The following EXD3 variants were observed in gnomAD, a reference collection of about 807,000 sequenced individuals.
The protein encoded by EXD3 is exonuclease 3'-5' domain containing 3, also known as exonuclease mut-7 homolog.
In EXD3, 92 loss-of-function variants were observed where a neutral mutation model predicts 98.0. The observed-to-expected ratio is 0.94, with a 90% CI of 0.79 to 1.12. EXD3 has a LOEUF of 1.12. EXD3 is among the 50% of genes most tolerant of loss of function. The pLI, the probability that EXD3 is intolerant of heterozygous loss-of-function variation, is 0.00. For missense variants in EXD3, 1,222 were observed against 1,191.6 expected (o/e 1.03, Z -0.38); for synonymous variants, 569 against 526.0 (o/e 1.08, Z -1.12).
rs1457152040 is a variant in EXD3 at position 137,360,430 on chromosome 9, C to A, written c.657-4062G>T. ...AATTTGTCAATCTTCTTCTGTTATT[C>A]TCTTTCTTTCATCCTTCCTTCCTTT... On this transcript the variant is annotated intron_variant, in intron 7 of 21. Transcript: ENST00000340951. Among the ~76,000 whole-genome samples the A allele has an allele frequency of 3.5e-4, 27 of 77,866 alleles. 13 individuals are homozygous for A. The highest frequency in any genetic ancestry group is 1.2e-4 in the Non-Finnish European group (4 of 32,942). The allele number at this position is 77,866 out of a possible 152,430, so 51.1% of individuals were successfully genotyped here. A position where few individuals can be genotyped will look rare whatever the true frequency, so the allele number is the denominator to read the frequency against.
intron 6 of EXD3, among the ~76,000 whole-genome samples, chr9:137,367,393 C>T (rs1445398978): frequency 1.3e-5 from 2 of 152,156 alleles, no homozygotes; most frequent in African/African-American, 4.8e-5. Context: ...CCTGGCTCTG[C>T]CCGAGGGGTG....
In EXD3 at chr9:137,348,141, C is replaced by G; in HGVS notation, c.1928G>C (p.Arg643Pro). 6.2e-7 allele frequency: 1 copy of G among 1,612,266 alleles called. No individual in the cohort carries two copies. Among genetic ancestry groups the G allele is most frequent in the Non-Finnish European group, 8.5e-7 (1 of 1,179,714 alleles). ...ATCCACACCGAGACAGCGGAGGCTC[C>G]GTGCCAGCCCCTGCAGCATGTTGTC... ...VCDNMLQGLA[R>P]SLRCLGVDAR... Residue 643 changes from arginine to proline, a missense_variant, in exon 17 of 22, where the codon CGG (arginine) becomes CCG (proline). Physicochemically the swap from Arg to Pro is moderately radical, Grantham distance 103. Transcript: ENST00000340951.
intron 2 of EXD3, among the ~76,000 whole-genome samples, chr9:137,384,117 C>T (rs1478010935): frequency 3.9e-5 from 6 of 152,174 alleles, no homozygotes; most frequent in African/African-American, 1.4e-4. Context: ...TGGGTGGATT[C>T]CGCAGTGAAC....
intron 19 of EXD3, among the ~76,000 whole-genome samples, chr9:137,315,002 G>A (rs192310063): frequency 2.0e-5 from 3 of 152,300 alleles, no homozygotes; most frequent in African/African-American, 4.8e-5. Context: ...ACTGCCTCAC[G>A]GTGTGGACAC....
chr9:137,390,309 G>C (rs1321198943), intron 2 of EXD3, among the ~76,000 whole-genome samples: 1 of 150,494 alleles, frequency 6.6e-6, no homozygotes, highest in Non-Finnish European at 1.5e-5. Context: ...GCGGGCACCT[G>C]TAGTCCCAGC....
At chr9:137,366,736 C>T (rs1430435492) in intron 6 of EXD3, 104 bp from the exon 7 acceptor site, 2 of 1,408,714 alleles carry the variant, frequency 1.4e-6, no homozygotes, top group African/African-American at 1.4e-5. Flanking sequence ...ACGAAAGGGG[C>T]CCAGAGGCCG....
intron 1 of EXD3, among the ~76,000 whole-genome samples, chr9:137,409,762 A>AT (rs1202967219): frequency 6.6e-6 from 1 of 152,176 alleles, no homozygotes; most frequent in Non-Finnish European, 1.5e-5. Context: ...GCCTGTCTGG[A>AT]TCTCTCAGCA....
intron 1 of EXD3, among the ~76,000 whole-genome samples, chr9:137,398,794 G>T (rs186642461): frequency 7.7e-6 from 1 of 129,254 alleles, no homozygotes; most frequent in African/African-American, 3.2e-5. Flanking sequence ...AGGCACCCGC[G>T]TCCCCGTGAC....
rs1315980296 is a variant in EXD3 at position 137,324,155 on chromosome 9, G to A, written c.1999-12C>T. Reference sequence around the variant, plus strand: ...TCCTGCCTGGCAACCTGTGTGGGAGGTGCGACCAGCACATAAAGGGGGCAG... The same window carrying A: ...TCCTGCCTGGCAACCTGTGTGGGAGATGCGACCAGCACATAAAGGGGGCAG... On this transcript the variant is annotated splice_polypyrimidine_tract_variant and intron_variant, in intron 17 of 21. Coordinates refer to ENST00000340951, the MANE Select transcript of EXD3 (RefSeq NM_017820.5). The surrounding 1 kb of genome is among the most constrained non-coding windows in gnomAD (Gnocchi z 4.1). The A allele has an allele frequency of 1.3e-6, 2 of 1,570,078 alleles. No individual in the cohort carries two copies. Among genetic ancestry groups the A allele is most frequent in the African/African-American group, 1.4e-5 (1 of 73,944 alleles).
At chr9:137,311,884 G>C (rs1265253899) in intron 19 of EXD3, among the ~76,000 whole-genome samples, 1 of 152,182 alleles carries the variant, frequency 6.6e-6, no homozygotes, top group Non-Finnish European at 1.5e-5. Flanking sequence ...TGGTGCTGGT[G>C]GCCCAGCGCA....
At chr9:137,308,244 C>A (rs964801482) in intron 20 of EXD3, among the ~76,000 whole-genome samples, 2 of 152,180 alleles carry the variant, frequency 1.3e-5, no homozygotes, top group African/African-American at 4.8e-5. Flanking sequence ...CTGCCCTGCT[C>A]CTGTTGACCC....
intron 14 of EXD3, among the ~76,000 whole-genome samples, chr9:137,350,740 C>T (rs554436355): frequency 3.1e-4 from 47 of 152,032 alleles, no homozygotes; most frequent in African/African-American, 1.1e-3. Flanking sequence ...CCAGGGGCTC[C>T]CTCCCGCAGC....
chr9:137,337,313 T>C (rs1833405961), intron 17 of EXD3, among the ~76,000 whole-genome samples: 1 of 152,120 alleles, frequency 6.6e-6, no homozygotes, highest in African/African-American at 2.4e-5. Flanking sequence ...ACAGGAACCT[T>C]CTGTATGTCT....
intron 4 of EXD3, 100 bp downstream of exon 4, chr9:137,373,326 T>C: frequency 9.2e-6 from 13 of 1,405,710 alleles, no homozygotes; most frequent in Non-Finnish European, 1.3e-5. Context: ...CCTGGCTTGC[T>C]GAGCGGGCTG....
Position 137,324,040 on chromosome 9 carries a change from C to T in EXD3, c.2052+50G>A. On this transcript the variant is annotated intron_variant, in intron 18 of 21. Transcript: ENST00000340951. This position sits in a 1 kb window ranked among gnomAD's most constrained non-coding sequence, Gnocchi z 4.1. ...GTGGGGGTGGCCGAGGGGCTGGGGGCTTGGGAAGATGGGGCTCAGGCCCAC... is the reference window on the plus strand; with the variant it reads ...GTGGGGGTGGCCGAGGGGCTGGGGGTTTGGGAAGATGGGGCTCAGGCCCAC... 1 of 1,556,818 alleles carries T rather than the reference C, an allele frequency of 6.4e-7. No individual in the cohort carries two copies. The highest frequency in any genetic ancestry group is 1.2e-5 in the South Asian group (1 of 84,736).
Position 137,354,500 on chromosome 9 carries a change from C to T in EXD3, c.832-123G>A, listed in dbSNP as rs1834505154. The T allele has an allele frequency of 8.4e-6, 13 of 1,549,920 alleles. No individual in the cohort carries two copies. In the Admixed American group the frequency reaches 1.2e-4, roughly 14 times the overall value. On this transcript the variant is annotated intron_variant, in intron 9 of 21. Coordinates refer to ENST00000340951, the MANE Select transcript of EXD3 (RefSeq NM_017820.5). ...TTGGCAGAGCCCAGGTGCTCACCCGCCCTGGTGCCACAGCCCAGAGCCAGG... is the reference window on the plus strand; with the variant it reads ...TTGGCAGAGCCCAGGTGCTCACCCGTCCTGGTGCCACAGCCCAGAGCCAGG...
chr9:137,321,863 G>A (rs565764986), intron 19 of EXD3, among the ~76,000 whole-genome samples: 103 of 152,152 alleles, frequency 6.8e-4, no homozygotes, highest in South Asian at 1.0e-3. Context: ...TGTCGCCCAC[G>A]GAGACCCTGG....
chr9:137,352,151 T>C lies in EXD3; in HGVS notation c.1088A>G (p.Tyr363Cys). ...CTCCCTGGGGATGGGCAGCTGGTAG[T>C]AACGGTCCTTCATGTCCTTCACCTC... ...RLEVKDMKDR[Y>C]YQLPIPRENV... The change falls in exon 12 of 22, where the codon TAC becomes TGC. Residue 363 changes from tyrosine to cysteine, a missense_variant. Physicochemically the swap from Tyr to Cys is radical, Grantham distance 194. Transcript: ENST00000340951. The C allele has an allele frequency of 6.2e-7, 1 of 1,612,914 alleles. No individual in the cohort carries two copies. The highest frequency in any genetic ancestry group is 8.5e-7 in the Non-Finnish European group (1 of 1,179,774).
intron 1 of EXD3, among the ~76,000 whole-genome samples, chr9:137,399,681 A>G (rs10114787): frequency 0.15 from 22,756 of 152,116 alleles, 1,815 homozygotes; most frequent in African/African-American, 0.18. Flanking sequence ...ATGGTTCCAC[A>G]TGGCTGGGGA....
Sources: allele counts gnomAD v4.1 joint callset (sites outside exome capture counted in the v4.1 genomes callset), GRCh38; gene constraint gnomAD v4.1.1; non-coding constraint Gnocchi (gnomAD v3.1); transcripts MANE v1.5; gene names NCBI Gene and HGNC (gene_info 2026-07-23, HGNC 2026-07-21).